Variants in LRRC8C observed in about 807,000 individuals in gnomAD.
The protein encoded by LRRC8C is leucine rich repeat containing 8 VRAC subunit C.
A neutral mutation model predicts 55.3 loss-of-function variants in LRRC8C; 20 were observed. That is an observed-to-expected ratio of 0.36 (90% confidence interval 0.25 to 0.53). The LOEUF (loss-of-function observed/expected upper bound fraction) is 0.53. LRRC8C is among the 20% of genes least tolerant of loss of function. The pLI is 0.92. For synonymous variants in LRRC8C, 376 were observed against 360.7 expected (o/e 1.04, Z -0.48); for missense variants, 659 against 951.4 (o/e 0.69, Z 4.04).
intron 1 of LRRC8C, among the ~76,000 whole-genome samples, chr1:89,662,824 T>A (rs1657154947): frequency 6.6e-6 from 1 of 152,206 alleles, no homozygotes; most frequent in South Asian, 2.1e-4. Flanking sequence ...CCTATGTTTC[T>A]TTTTTTTAAT....
At chr1:89,634,282 C>T (rs942516729) in intron 1 of LRRC8C, among the ~76,000 whole-genome samples, 14 of 152,206 alleles carry the variant, frequency 9.2e-5, no homozygotes, top group Admixed American at 5.2e-4. Context: ...TTTTCAGGTT[C>T]CCATCCTCAA....
At chr1:89,703,752 T>A (rs1658396616) in intron 2 of LRRC8C, among the ~76,000 whole-genome samples, 1 of 151,806 alleles carries the variant, frequency 6.6e-6, no homozygotes, top group Non-Finnish European at 1.5e-5. Context: ...GAGAAGGGGT[T>A]GGGTGGGAAA....
At chr1:89,700,752 G>A (rs1658295045) in intron 2 of LRRC8C, among the ~76,000 whole-genome samples, 1 of 152,200 alleles carries the variant, frequency 6.6e-6, no homozygotes, top group Admixed American at 6.5e-5. Flanking sequence ...TGAGGTGGAG[G>A]GAGGATGAAG....
chr1:89,670,095 C>A (rs1396303817), intron 1 of LRRC8C, among the ~76,000 whole-genome samples: 1 of 152,066 alleles, frequency 6.6e-6, no homozygotes, highest in East Asian at 1.9e-4. Context: ...CTTTCCCATT[C>A]CCCTTATTTA....
chr1:89,687,773 C>G (rs1232262992), intron 2 of LRRC8C, among the ~76,000 whole-genome samples: 1 of 152,110 alleles, frequency 6.6e-6, no homozygotes, highest in African/African-American at 2.4e-5. Context: ...GGTTGGAAAA[C>G]TGAATGGAAA....
chr1:89,617,362 G>T, the LRRC8C span, among the ~76,000 whole-genome samples: 1 of 152,176 alleles, frequency 6.6e-6, no homozygotes, highest in South Asian at 2.1e-4. Context: ...CTTGCCCTAA[G>T]CTAGTCAAAA....
chr1:89,645,267 G>A (rs1656577903), intron 1 of LRRC8C, among the ~76,000 whole-genome samples: 1 of 152,040 alleles, frequency 6.6e-6, no homozygotes, highest in Admixed American at 6.6e-5. Context: ...ACAATTGGAG[G>A]TAGCAAAGTA....
At chr1:89,696,747 A>G (rs181267214) in intron 2 of LRRC8C, among the ~76,000 whole-genome samples, 88 of 152,276 alleles carry the variant, frequency 5.8e-4, no homozygotes, top group African/African-American at 1.9e-3. Flanking sequence ...GTGACACCAG[A>G]GTTCAGTCCT....
At chr1:89,661,570 C>A (rs1331446276) in intron 1 of LRRC8C, among the ~76,000 whole-genome samples, 1 of 152,212 alleles carries the variant, frequency 6.6e-6, no homozygotes, top group Non-Finnish European at 1.5e-5. Context: ...TACCACTTTA[C>A]TCTTCTAATT....
chr1:89,669,939 T>C (rs1657371763), intron 1 of LRRC8C, among the ~76,000 whole-genome samples: 1 of 152,172 alleles, frequency 6.6e-6, no homozygotes, highest in South Asian at 2.1e-4. Flanking sequence ...TTTTGCCTTT[T>C]CCTATAATAA....
chr1:89,662,649 T>A (rs1344206682), intron 1 of LRRC8C, among the ~76,000 whole-genome samples: 2 of 152,138 alleles, frequency 1.3e-5, no homozygotes, highest in Non-Finnish European at 2.9e-5. Context: ...TTTTTGCCCT[T>A]ATGTCTATGT....
intron 2 of LRRC8C, 118 bp from the exon 3 acceptor site, chr1:89,712,591 A>G: frequency 1.5e-6 from 1 of 686,248 alleles, no homozygotes; most frequent in African/African-American, 1.8e-5. Context: ...TGAACGTTGT[A>G]TTCTCCAGGC....
upstream of LRRC8C, among the ~76,000 whole-genome samples, chr1:89,628,994 G>GT (rs1291812867): frequency 1.3e-5 from 2 of 152,056 alleles, no homozygotes; most frequent in Non-Finnish European, 2.9e-5. Context: ...TCATTTTGGG[G>GT]TATCATTTTT....
At chr1:89,688,826 T>C (rs1183820581) in intron 2 of LRRC8C, among the ~76,000 whole-genome samples, 1 of 152,206 alleles carries the variant, frequency 6.6e-6, no homozygotes, top group Non-Finnish European at 1.5e-5. Flanking sequence ...GATAAATGCC[T>C]GGTAGGAAGC....
At chr1:89,645,566 T>C (rs1311919042) in intron 1 of LRRC8C, among the ~76,000 whole-genome samples, 1 of 152,138 alleles carries the variant, frequency 6.6e-6, no homozygotes, top group Non-Finnish European at 1.5e-5. Context: ...TTCCTGGGTA[T>C]ATTACCACAG....
chr1:89,651,012 A>G (rs1484098920), intron 1 of LRRC8C, among the ~76,000 whole-genome samples: 3 of 151,776 alleles, frequency 2.0e-5, no homozygotes, highest in African/African-American at 7.2e-5. Flanking sequence ...CATATCTCAG[A>G]AAAAAAATAA....
At chr1:89,680,126 GGAA>G (rs759200361) in intron 1 of LRRC8C, among the ~76,000 whole-genome samples, 1,882 of 148,666 alleles carry the variant, frequency 0.013, 15 homozygotes, top group Non-Finnish European at 0.019. Flanking sequence ...CAGGCTGGAT[GGAA>G]TGCAGTGGCG....
Position 89,718,109 on chromosome 1 carries a change from T to C in LRRC8C, c.*3127T>C, listed in dbSNP as rs1449019412. The C allele has an allele frequency of 6.6e-6, 1 of 152,226 alleles. No individual in the cohort carries two copies. The highest frequency in any genetic ancestry group is 1.5e-5 in the Non-Finnish European group (1 of 68,022). The allele number at this position is 152,226 out of a possible 1,614,324, so 9.4% of individuals were successfully genotyped here. On this transcript the variant is annotated 3_prime_UTR_variant, in exon 3 of 3. Transcript: ENST00000370454. ...ATTATGTGTTGGGTTTGATTTGCTT[T>C]TGTTTTTAATGCAGCTCTTTTAATA...
chr1:89,685,445 G>A (rs927868098), intron 1 of LRRC8C, among the ~76,000 whole-genome samples: 3 of 152,156 alleles, frequency 2.0e-5, no homozygotes, highest in African/African-American at 7.2e-5. Context: ...TTCAGTATTA[G>A]GGAAGGAAGG....
Sources: gnomAD v4.1 joint callset for allele counts (sites outside exome capture counted in the v4.1 genomes callset) on GRCh38, gnomAD v4.1.1 for gene constraint, MANE v1.5 for transcripts, NCBI Gene and HGNC (gene_info 2026-07-23, HGNC 2026-07-21) for gene names.